The following TRPM1 variants were observed in gnomAD, a reference collection of about 807,000 sequenced individuals.
The protein encoded by TRPM1 is TRPM1-203 APA Isoform, Intron 10.
In TRPM1, 113 loss-of-function variants were observed where a neutral mutation model predicts 149.4. The ratio of observed to expected loss-of-function variants is 0.76; its 90% CI spans 0.65 to 0.88. The LOEUF (loss-of-function observed/expected upper bound fraction) is 0.88. Ranked by LOEUF, TRPM1 falls within the 40% of genes least tolerant of loss-of-function variation. The pLI, the probability that TRPM1 is intolerant of heterozygous loss-of-function variation, is 0.00. For missense variants in TRPM1, 1,976 were observed against 2,038.7 expected (o/e 0.97, Z 0.59); for synonymous variants, 741 against 759.5 (o/e 0.98, Z 0.40).
intron 11 of TRPM1, among the ~76,000 whole-genome samples, chr15:31,052,221 G>A (rs944536848): frequency 6.6e-6 from 1 of 152,186 alleles, no homozygotes; most frequent in Non-Finnish European, 1.5e-5. Flanking sequence ...GGCTGAGGCA[G>A]AGCTTATGTC....
At chr15:31,148,238 A>G (rs1488118328) in intron 1 of TRPM1, among the ~76,000 whole-genome samples, 1 of 152,176 alleles carries the variant, frequency 6.6e-6, no homozygotes, top group East Asian at 1.9e-4. Flanking sequence ...CTCAAATGAA[A>G]TGGATCTGAA....
chr15:31,144,081 T>C (rs1401635973), intron 1 of TRPM1, among the ~76,000 whole-genome samples: 2 of 152,150 alleles, frequency 1.3e-5, no homozygotes, highest in African/African-American at 2.4e-5. Context: ...TCTCAATATA[T>C]TGGACACTGC....
chr15:31,148,482 G>T (rs1159142194), intron 1 of TRPM1, among the ~76,000 whole-genome samples: 2 of 152,194 alleles, frequency 1.3e-5, no homozygotes, highest in Non-Finnish European at 1.5e-5. Flanking sequence ...CACTAGCAAA[G>T]AATTCTCCTC....
intron 1 of TRPM1, among the ~76,000 whole-genome samples, chr15:31,097,747 C>G (rs1416497562): frequency 1.3e-5 from 2 of 152,128 alleles, no homozygotes; most frequent in African/African-American, 2.4e-5. Context: ...ACAAACTTCC[C>G]GATATTCAAG....
chr15:31,149,052 G>A (rs2036258604), intron 1 of TRPM1, among the ~76,000 whole-genome samples: 1 of 152,224 alleles, frequency 6.6e-6, no homozygotes, highest in Non-Finnish European at 1.5e-5. Flanking sequence ...GAGAGTGGCT[G>A]GTTCATGTGA....
Position 31,121,131 on chromosome 15 carries a change from G to A in TRPM1, c.54+39775C>T, listed in dbSNP as rs184196474. 9.9e-3 allele frequency among the ~76,000 whole-genome samples: 1,464 copies of A among 148,260 alleles called. 27 individuals are homozygous for A. Among genetic ancestry groups the A allele is most frequent in the African/African-American group, 0.035 (1,392 of 39,928 alleles). On this transcript the variant is annotated intron_variant, in intron 1 of 26. Transcript: ENST00000542188. ...AATCCCAGCTACTTGGGAGGCCAAGGCAGAGAATTGCTTTGACCCAGGAGG... is the reference window on the plus strand; with the variant it reads ...AATCCCAGCTACTTGGGAGGCCAAGACAGAGAATTGCTTTGACCCAGGAGG...
intron 11 of TRPM1, among the ~76,000 whole-genome samples, chr15:31,052,680 C>G (rs1001775145): frequency 6.6e-6 from 1 of 152,168 alleles, no homozygotes; most frequent in African/African-American, 2.4e-5. Flanking sequence ...GAGGCTGAGG[C>G]AGGAGAATTC....
At position 31,050,559 on chromosome 15, in the gene TRPM1, C is replaced by T. The variant is rs370060516; in HGVS notation, c.1287G>A (p.Pro429=). 27 of 1,613,924 alleles carry T rather than the reference C, an allele frequency of 1.7e-5. No individual in the cohort carries two copies. The highest frequency in any genetic ancestry group is 2.2e-5 in the East Asian group (1 of 44,888). ...CCTTCTCCGTGGCTTTGCTGTCCGT[C>T]GGGGGTGCCAGGCTTCCCAGGGGCT... ...HWPPLGSLAP[P]TDSKATEKEK... is the part of the protein sequence containing the mutation. The change falls in exon 12 of 28, where the codon CCG becomes CCA. Residue 429 remains proline, a synonymous_variant. Coordinates refer to ENST00000256552, the MANE Select transcript of TRPM1 (RefSeq NM_001252024.2).
intron 5 of TRPM1, among the ~76,000 whole-genome samples, 199 bp from the exon 6 acceptor site, chr15:31,067,386 C>T (rs977336041): frequency 6.6e-6 from 1 of 152,120 alleles, no homozygotes; most frequent in Non-Finnish European, 1.5e-5. Flanking sequence ...ACTCTAGAAA[C>T]GGGAAAACAA....
chr15:31,144,135 A>C (rs1161623117), intron 1 of TRPM1, among the ~76,000 whole-genome samples: 1 of 152,184 alleles, frequency 6.6e-6, no homozygotes, highest in Non-Finnish European at 1.5e-5. Flanking sequence ...CCTAGTATCC[A>C]GGTTTTTCAA....
rs2034661515 is a variant in TRPM1, at chr15:31,075,339, C to T, written c.83+1566G>A. On this transcript the variant is annotated intron_variant, in intron 3 of 27. Transcript: ENST00000256552. Reference sequence around the variant, plus strand: ...TTGTTTATGTCAGTTTTGCTTCATGCATTTTGGTGCTGTTTTAGGTACATA... The same window carrying T: ...TTGTTTATGTCAGTTTTGCTTCATGTATTTTGGTGCTGTTTTAGGTACATA... Among the ~76,000 whole-genome samples the T allele has an allele frequency of 2.0e-5, 3 of 152,242 alleles. No individual in the cohort carries two copies. In the South Asian group the frequency reaches 6.2e-4, roughly 32 times the overall value.
At chr15:31,014,462 CA>C (rs747254258) in intron 27 of TRPM1, among the ~76,000 whole-genome samples, 11 of 152,198 alleles carry the variant, frequency 7.2e-5, no homozygotes, top group Non-Finnish European at 1.3e-4. Context: ...GGTGACTACT[CA>C]ACTGGAGAGC....
intron 27 of TRPM1, among the ~76,000 whole-genome samples, chr15:31,021,106 C>T (rs993966358): frequency 6.6e-6 from 1 of 152,138 alleles, no homozygotes; most frequent in African/African-American, 2.4e-5. Context: ...CATCTCCTTC[C>T]TATTATCCAA....
intron 27 of TRPM1, among the ~76,000 whole-genome samples, chr15:31,005,141 G>C (rs1009310352): frequency 3.8e-5 from 3 of 79,920 alleles, no homozygotes; most frequent in African/African-American, 5.6e-5. Flanking sequence ...ATAAATAAAG[G>C]CTCCCTACTC....
intron 1 of TRPM1, among the ~76,000 whole-genome samples, chr15:31,128,095 C>T (rs924348638): frequency 2.0e-5 from 3 of 152,152 alleles, no homozygotes; most frequent in African/African-American, 7.2e-5. Context: ...TGCCTCCCCT[C>T]CCCGCTCTGC....
At position 31,082,325 on chromosome 15, in the gene TRPM1, T is replaced by C. The variant is rs1596050824; in HGVS notation, c.-83-887A>G. ...CCCACTGAGATTTTAAGAGTGCTTG[T>C]CCCAGCTGGGAAGTCTGTCTACCCC... On this transcript the variant is annotated intron_variant, in intron 1 of 27. Transcript: ENST00000256552. 3.3e-5 allele frequency among the ~76,000 whole-genome samples: 5 copies of C among 152,258 alleles called. No individual in the cohort carries two copies. In the Middle Eastern group the frequency reaches 0.014, roughly 414 times the overall value.
intron 1 of TRPM1, among the ~76,000 whole-genome samples, chr15:31,110,125 C>T (rs1239734020): frequency 3.3e-5 from 5 of 152,128 alleles, no homozygotes; most frequent in Non-Finnish European, 7.3e-5. Context: ...GAATTCTTTA[C>T]ATATATTTAA....
intron 27 of TRPM1, among the ~76,000 whole-genome samples, chr15:31,025,553 G>C (rs1231005488): frequency 6.6e-6 from 1 of 152,168 alleles, no homozygotes. Context: ...ACCTTGCTGG[G>C]TACTGCGGAT....
chr15:31,035,301 T>G (rs1330438298), intron 21 of TRPM1, among the ~76,000 whole-genome samples: 1 of 152,110 alleles, frequency 6.6e-6, no homozygotes, highest in Non-Finnish European at 1.5e-5. Context: ...CCACCACGAC[T>G]GGCTAATTTT....
Sources: allele counts gnomAD v4.1 joint callset (sites outside exome capture counted in the v4.1 genomes callset), GRCh38; gene constraint gnomAD v4.1.1; transcripts MANE v1.5; gene names NCBI Gene and HGNC (gene_info 2026-07-23, HGNC 2026-07-21).